The following GPC5 variants were observed in gnomAD, a reference collection of about 807,000 sequenced individuals.
GPC5 encodes the protein glypican 5, also known as glypican-5.
Under a neutral mutation model 53.9 loss-of-function variants are expected in GPC5, and 47 were observed. The observed-to-expected ratio is 0.87, with a 90% confidence interval of 0.69 to 1.11. GPC5 has a LOEUF of 1.11. Ranked by LOEUF, GPC5 falls within the 50% of genes most tolerant of loss-of-function variation. The probability of loss-of-function intolerance (pLI) is 0.00; values close to 1 mark genes in which losing one functional copy is unlikely to be tolerated. For synonymous variants in GPC5, 286 were observed against 263.3 expected, an observed-to-expected ratio of 1.09 and a Z score of -0.84; for missense variants, 748 against 713.1, an observed-to-expected ratio of 1.05 and a Z score of -0.56.
At chr13:92,253,903 T>C (rs1213444011) in intron 7 of GPC5, among the ~76,000 whole-genome samples, 1 of 152,072 alleles carries the variant, frequency 6.6e-6, no homozygotes, top group Non-Finnish European at 1.5e-5. Flanking sequence ...GAGGATTTGT[T>C]ACAAAATGAT....
chr13:92,037,078 G>A (rs2040899299), intron 6 of GPC5, among the ~76,000 whole-genome samples: 1 of 152,018 alleles, frequency 6.6e-6, no homozygotes, highest in Non-Finnish European at 1.5e-5. Context: ...TTCCCATTAT[G>A]CTCACAAATA....
chr13:91,717,723 AT>A (rs1223411553), intron 3 of GPC5, among the ~76,000 whole-genome samples: 2 of 151,856 alleles, frequency 1.3e-5, no homozygotes, highest in East Asian at 3.9e-4. Context: ...TGCCCGGCTA[AT>A]TTTTGTATTT....
At chr13:92,816,447 AT>A (rs1877479963) in intron 7 of GPC5, among the ~76,000 whole-genome samples, 1 of 151,998 alleles carries the variant, frequency 6.6e-6, no homozygotes, top group Admixed American at 6.5e-5. Flanking sequence ...GGGTTTTGAG[AT>A]TTGTTAGTTG....
intron 7 of GPC5, among the ~76,000 whole-genome samples, chr13:92,816,420 G>A (rs949561545): frequency 6.6e-6 from 1 of 151,968 alleles, no homozygotes; most frequent in Non-Finnish European, 1.5e-5. Context: ...AAAGAAAAGA[G>A]GAAAACTAGC....
chr13:92,714,317 G>A (rs1009348109), intron 7 of GPC5, among the ~76,000 whole-genome samples: 1 of 152,118 alleles, frequency 6.6e-6, no homozygotes, highest in Admixed American at 6.6e-5. Flanking sequence ...CAGAGCAGTG[G>A]GAACTGTTGA....
chr13:91,951,779 G>A (rs534950315), intron 6 of GPC5, among the ~76,000 whole-genome samples: 2 of 152,168 alleles, frequency 1.3e-5, no homozygotes, highest in South Asian at 2.1e-4. Flanking sequence ...AGTTGTAATG[G>A]TAGAAAAGTA....
intron 7 of GPC5, chr13:92,241,434 G>A (rs1466940712): frequency 6.6e-6 from 1 of 152,144 alleles, no homozygotes; most frequent in Non-Finnish European, 1.5e-5. Context: ...TAGAGTCTGA[G>A]ATTTCAGAGT....
rs71447384 is a variant in GPC5, at chr13:91,628,512, A to C, written c.326-64675A>C. On this transcript the variant is annotated intron_variant, in intron 2 of 7. Transcript: ENST00000377067. The stretch of plus-strand genomic sequence containing the variant: ...TGTCTGTCTGTCTGTCTATCTCTCT[A>C]TCTATCTGTCATCTATCAATCATTT... Among the ~76,000 whole-genome samples, 92 of 130,958 alleles carry C rather than the reference A, an allele frequency of 7.0e-4. 1 individual carries two copies. The highest frequency in any genetic ancestry group is 2.7e-3 in the Admixed American group (38 of 14,108). 85.9% of individuals were successfully genotyped at this position (130,958 alleles called of 152,430 possible). A position where few individuals can be genotyped will look rare whatever the true frequency, so the allele number is the denominator to read the frequency against.
In GPC5 at chr13:92,605,199, G is replaced by C. The variant is rs187654173; in HGVS notation, c.1562-261083G>C. On this transcript the variant is annotated intron_variant, in intron 7 of 7. Coordinates refer to ENST00000377067, the MANE Select transcript of GPC5 (RefSeq NM_004466.6). ...GCCTAGTTTAAGAAAAAAGGGAAAG[G>C]CAATCATAGTGAATTATTTGCTCTT... Among the ~76,000 whole-genome samples the C allele has an allele frequency of 1.1e-4, 17 of 152,240 alleles. No individual in the cohort carries two copies. The East Asian group carries it at 3.3e-3, about 29-fold the overall frequency.
chr13:92,495,301 G>A (rs1191492609), intron 7 of GPC5, among the ~76,000 whole-genome samples: 1 of 152,040 alleles, frequency 6.6e-6, no homozygotes, highest in Non-Finnish European at 1.5e-5. Context: ...ATTAGTTTGG[G>A]GAGGTGGAGG....
chr13:91,468,329 C>T (rs1225125399), intron 2 of GPC5, among the ~76,000 whole-genome samples: 2 of 152,088 alleles, frequency 1.3e-5, no homozygotes, highest in Admixed American at 1.3e-4. Flanking sequence ...CCCACCCTGC[C>T]AAAGATATGC....
chr13:92,662,448 A>G (rs1435917787), intron 7 of GPC5, among the ~76,000 whole-genome samples: 1 of 85,970 alleles, frequency 1.2e-5, no homozygotes, highest in Non-Finnish European at 2.8e-5. Context: ...AAACTAATCT[A>G]CTCAATTTAT....
At chr13:92,348,870 GACAA>G (rs1247551951) in intron 7 of GPC5, among the ~76,000 whole-genome samples, 1 of 151,988 alleles carries the variant, frequency 6.6e-6, no homozygotes, top group African/African-American at 2.4e-5. Context: ...AATATCTTGA[GACAA>G]ACAAAAGTGG....
At chr13:91,874,112 G>T (rs2039177143) in intron 5 of GPC5, among the ~76,000 whole-genome samples, 1 of 152,196 alleles carries the variant, frequency 6.6e-6, no homozygotes, top group Non-Finnish European at 1.5e-5. Flanking sequence ...CTGGAACATA[G>T]TAAGCACAGA....
chr13:91,533,319 C>A (rs1481216694), intron 2 of GPC5, among the ~76,000 whole-genome samples: 2 of 152,204 alleles, frequency 1.3e-5, no homozygotes, highest in Non-Finnish European at 2.9e-5. Context: ...GTGTTATAAT[C>A]ATTGGGCTTG....
At chr13:91,985,925 A>G (rs2040402613) in intron 6 of GPC5, among the ~76,000 whole-genome samples, 1 of 152,120 alleles carries the variant, frequency 6.6e-6, no homozygotes, top group African/African-American at 2.4e-5. Flanking sequence ...ACTCAATGCC[A>G]CTTTTCAGTG....
chr13:92,205,779 G>C (rs1447236754), intron 7 of GPC5, among the ~76,000 whole-genome samples: 1 of 152,122 alleles, frequency 6.6e-6, no homozygotes, highest in Non-Finnish European at 1.5e-5. Flanking sequence ...AGGCGCGGTG[G>C]CTCACGCCTG....
At chr13:91,944,710 C>T (rs563327466) in intron 6 of GPC5, among the ~76,000 whole-genome samples, 8 of 152,350 alleles carry the variant, frequency 5.3e-5, no homozygotes, top group African/African-American at 1.7e-4. Flanking sequence ...ATTTCACCTA[C>T]TCCAAACTAG....
intron 7 of GPC5, among the ~76,000 whole-genome samples, chr13:92,847,627 CTT>C (rs75149719): frequency 6.9e-6 from 1 of 145,074 alleles, no homozygotes. Context: ...GCCATTAAAC[CTT>C]TTTTTTTTTT....
Sources: allele counts gnomAD v4.1 joint callset (sites outside exome capture counted in the v4.1 genomes callset), GRCh38; gene constraint gnomAD v4.1.1; transcripts MANE v1.5; gene names NCBI Gene and HGNC (gene_info 2026-07-23, HGNC 2026-07-21).